Variants in ODAD2 observed in about 807,000 individuals in gnomAD.
ODAD2 encodes the protein outer dynein arm-docking complex subunit 2.
In ODAD2, 89 loss-of-function variants were observed where a neutral mutation model predicts 106.8. The observed-to-expected ratio is 0.83, with a 90% confidence interval of 0.70 to 0.99. The LOEUF (loss-of-function observed/expected upper bound fraction) is 0.99. ODAD2 is among the 50% of genes least tolerant of loss of function. The pLI, the probability that ODAD2 is intolerant of heterozygous loss-of-function variation, is 0.00. For synonymous variants in ODAD2, 404 were observed against 436.2 expected, an observed-to-expected ratio of 0.93 and a Z score of 0.92; for missense variants, 1,168 against 1,238.5, an observed-to-expected ratio of 0.94 and a Z score of 0.85.
intron 16 of ODAD2, among the ~76,000 whole-genome samples, chr10:27,915,583 C>T (rs1487509583): frequency 6.6e-6 from 1 of 152,066 alleles, no homozygotes. Context: ...ATATATAGCA[C>T]AGTAGGTATG....
intron 14 of ODAD2, among the ~76,000 whole-genome samples, chr10:27,937,988 G>A (rs1846111300): frequency 6.6e-6 from 1 of 152,022 alleles, no homozygotes; most frequent in Non-Finnish European, 1.5e-5. Context: ...CTGTTGCCCA[G>A]GCTGGAGTAC....
At position 27,940,022 on chromosome 10, in the gene ODAD2, C is replaced by A; in HGVS notation, c.1987-15G>T. 6.4e-7 allele frequency: 1 copy of A among 1,565,680 alleles called. No individual in the cohort carries two copies. Among genetic ancestry groups the A allele is most frequent in the Non-Finnish European group, 8.7e-7 (1 of 1,145,364 alleles). On this transcript the variant is annotated splice_polypyrimidine_tract_variant and intron_variant, in intron 13 of 19. Coordinates refer to ENST00000305242, the MANE Select transcript of ODAD2 (RefSeq NM_018076.5). ...CGGTAGTTTTCCTAGGAATAAAAAC[C>A]TACATATTTATGTGTTCAAGACGTG...
chr10:27,846,140 G>T (rs559244940), intron 19 of ODAD2, among the ~76,000 whole-genome samples: 40 of 152,144 alleles, frequency 2.6e-4, no homozygotes, highest in African/African-American at 8.9e-4. Context: ...GCACCACATC[G>T]TACTTATTCC....
intron 17 of ODAD2, among the ~76,000 whole-genome samples, chr10:27,885,897 A>C (rs1371868736): frequency 4.1e-5 from 5 of 122,242 alleles, no homozygotes; most frequent in Non-Finnish European, 8.1e-5. Context: ...ATATATATTT[A>C]TATATAAAAA....
intron 2 of ODAD2, among the ~76,000 whole-genome samples, chr10:27,988,618 G>A (rs949637585): frequency 4.6e-5 from 7 of 152,006 alleles, no homozygotes; most frequent in Non-Finnish European, 8.8e-5. Context: ...GATTACAGGC[G>A]TGAGCTACCA....
chr10:27,881,461 C>T (rs906459063), intron 17 of ODAD2, among the ~76,000 whole-genome samples: 1 of 151,324 alleles, frequency 6.6e-6, no homozygotes, highest in Admixed American at 6.6e-5. Flanking sequence ...AAGACTTCTG[C>T]TTCTACAAAA....
At chr10:27,932,739 C>T (rs974192008) in intron 16 of ODAD2, among the ~76,000 whole-genome samples, 2 of 152,090 alleles carry the variant, frequency 1.3e-5, no homozygotes, top group African/African-American at 4.8e-5. Flanking sequence ...GCTAAAGTAA[C>T]CAACTCCCAC....
intron 10 of ODAD2, among the ~76,000 whole-genome samples, chr10:27,954,663 C>G (rs1012799628): frequency 1.2e-4 from 18 of 152,348 alleles, no homozygotes; most frequent in Middle Eastern, 3.4e-3. Flanking sequence ...TTATCATTGT[C>G]TTTACGCTGC....
In ODAD2 at chr10:27,981,519, C is replaced by G. The variant is rs143215183; in HGVS notation, c.883G>C (p.Val295Leu). ...GGTGATTTTTCTCTTAAAAATGTGACAAGGTTTTTATAAATTGAACCTTTT... is the reference window on the plus strand; with the variant it reads ...GGTGATTTTTCTCTTAAAAATGTGAGAAGGTTTTTATAAATTGAACCTTTT... Reference protein sequence around the residue: ...ERKGSIYKNLVTFLREKSPKF... With the variant: ...ERKGSIYKNLLTFLREKSPKF... Residue 295 changes from valine to leucine, a missense_variant, in exon 7 of 20, where the codon GTC (valine) becomes CTC (leucine). Around this residue, in one of 3 missense-constraint regions of ODAD2, gnomAD observed 430 missense variants for 452.2 expected, o/e 0.95. Coordinates refer to ENST00000305242, the MANE Select transcript of ODAD2 (RefSeq NM_018076.5). 1.7e-3 allele frequency: 2,586 copies of G among 1,534,874 alleles called. 5 individuals are homozygous for G. Among genetic ancestry groups the G allele is most frequent in the Middle Eastern group, 3.4e-3 (20 of 5,854 alleles).
chr10:27,880,380 T>A (rs1841620362), intron 17 of ODAD2, among the ~76,000 whole-genome samples: 1 of 152,212 alleles, frequency 6.6e-6, no homozygotes, highest in Non-Finnish European at 1.5e-5. Flanking sequence ...CTAAAAAAAT[T>A]CCTTTGGGAG....
chr10:27,851,990 TA>T (rs1241844509), intron 19 of ODAD2, among the ~76,000 whole-genome samples: 3 of 152,196 alleles, frequency 2.0e-5, no homozygotes, highest in Non-Finnish European at 4.4e-5. Flanking sequence ...ATTTCCTCTC[TA>T]AAACAATGCA....
In ODAD2 at chr10:27,983,907, A is replaced by T. The variant is rs1588661353; in HGVS notation, c.755T>A (p.Val252Glu). The T allele has an allele frequency of 6.2e-7, 1 of 1,609,532 alleles. No homozygotes were observed. Among genetic ancestry groups the T allele is most frequent in the South Asian group, 1.1e-5 (1 of 89,764 alleles). Residue 252 changes from valine to glutamate, a missense_variant, in exon 6 of 20, where the codon GTG (valine) becomes GAG (glutamate). Transcript: ENST00000305242. ...QIRGEICYVLVKPHDGETLCI... is the reference protein window; with the variant it reads ...QIRGEICYVLEKPHDGETLCI... ...CAGAGTCTCACCATCGTGAGGTTTC[A>T]CCAGCACATAACAAATTTCCCCACG...
At chr10:27,819,188 A>C (rs1227098719) in intron 19 of ODAD2, among the ~76,000 whole-genome samples, 1 of 152,090 alleles carries the variant, frequency 6.6e-6, no homozygotes, top group African/African-American at 2.4e-5. Context: ...GGGAGGGAAG[A>C]GTGGAGGAGC....
At chr10:27,981,214 G>A (rs1297226370) in intron 7 of ODAD2, among the ~76,000 whole-genome samples, 3 of 152,230 alleles carry the variant, frequency 2.0e-5, no homozygotes, top group East Asian at 1.9e-4. Flanking sequence ...GTTCAAGTTC[G>A]AGAGACGAAA....
chr10:27,883,018 A>C (rs7072445), intron 17 of ODAD2, among the ~76,000 whole-genome samples: 4,277 of 152,088 alleles, frequency 0.028, 207 homozygotes, highest in African/African-American at 0.097. Flanking sequence ...AGAAGTGAGA[A>C]GTGTGTACAG....
At chr10:27,944,118 C>T (rs1846676894) in intron 12 of ODAD2, 104 bp downstream of exon 12, 5 of 972,356 alleles carry the variant, frequency 5.1e-6, no homozygotes, top group Non-Finnish European at 7.8e-6. Context: ...CTGGAACACG[C>T]TCTCATGGCT....
intron 2 of ODAD2, among the ~76,000 whole-genome samples, chr10:27,990,218 G>A (rs903423304): frequency 1.3e-5 from 2 of 152,014 alleles, no homozygotes; most frequent in African/African-American, 2.4e-5. Flanking sequence ...CACAATCATA[G>A]CTCTCTGCAG....
At chr10:27,957,114 A>G (rs1847790017) in intron 10 of ODAD2, 5 of 152,238 alleles carry the variant, frequency 3.3e-5, no homozygotes, top group Admixed American at 3.3e-4. Context: ...TCCTTGCAAG[A>G]TTTTAAAACA....
chr10:27,863,753 C>T (rs115131168), intron 17 of ODAD2, among the ~76,000 whole-genome samples: 2,793 of 151,840 alleles, frequency 0.018, 95 homozygotes, highest in African/African-American at 0.064. Context: ...AGTTATCCAG[C>T]GTGAAAGGGA....
Sources: allele counts gnomAD v4.1 joint callset (sites outside exome capture counted in the v4.1 genomes callset), GRCh38; gene constraint gnomAD v4.1.1; regional missense constraint gnomAD v4.1.1; transcripts MANE v1.5; gene names NCBI Gene and HGNC (gene_info 2026-07-23, HGNC 2026-07-21).